LRTM3: variants seen among roughly 807,000 people sequenced by gnomAD.
The protein encoded by LRTM3 is leucine rich repeat transmembrane protein 3.
the LRTM3 span, chr13:102,731,432 G>T: frequency 6.4e-7 from 1 of 1,551,396 alleles, no homozygotes; most frequent in South Asian, 1.2e-5. Flanking sequence ...AAGTGCTTTT[G>T]ACTCTAAATG....
At chr13:102,735,328 A>C in the LRTM3 span, 1 of 1,551,172 alleles carries the variant, frequency 6.4e-7, no homozygotes, top group Non-Finnish European at 8.7e-7. Flanking sequence ...AAAGTTCTCC[A>C]TGGGTTGCTT....
the LRTM3 span, chr13:102,731,359 A>G: frequency 6.4e-7 from 1 of 1,551,434 alleles, no homozygotes; most frequent in Admixed American, 2.0e-5. Context: ...TCCCTTTTGG[A>G]TAAAAGTTGA....
chr13:102,745,924 G>T, the LRTM3 span: 1 of 1,550,984 alleles, frequency 6.4e-7, no homozygotes, highest in African/African-American at 1.4e-5. Flanking sequence ...TTCCTGGTTG[G>T]TTCAGTTCCT....
the LRTM3 span, chr13:102,748,337 A>G: frequency 6.4e-7 from 1 of 1,550,924 alleles, no homozygotes; most frequent in African/African-American, 1.4e-5. Flanking sequence ...TTGAATTTTT[A>G]TGGCTTCTAA....
chr13:102,735,418 G>T, the LRTM3 span: 2 of 1,551,216 alleles, frequency 1.3e-6, no homozygotes, highest in South Asian at 2.4e-5. Context: ...TTCTTATCAC[G>T]TTCTCCTGTC....
At chr13:102,755,899 A>G in the LRTM3 span, among the ~76,000 whole-genome samples, 34 of 61,604 alleles carry the variant, frequency 5.5e-4, no homozygotes, top group African/African-American at 1.4e-3. Flanking sequence ...ATACACATAT[A>G]TATGTGTGTG....
the LRTM3 span, chr13:102,747,359 C>G: frequency 1.3e-6 from 2 of 1,550,252 alleles, no homozygotes; most frequent in Non-Finnish European, 1.7e-6. Flanking sequence ...CATTTTTTTC[C>G]TGTGGTTTGA....
At chr13:102,746,417 C>G in the LRTM3 span, 1 of 1,551,114 alleles carries the variant, frequency 6.4e-7, no homozygotes, top group South Asian at 1.2e-5. Context: ...CGCAGGGAGA[C>G]AGAACTCTCT....
chr13:102,741,470 G>A, the LRTM3 span: 3 of 1,549,580 alleles, frequency 1.9e-6, no homozygotes, highest in African/African-American at 4.1e-5. Context: ...AAATATATCA[G>A]TTTCCTTTAA....
chr13:102,751,439 A>G, the LRTM3 span, among the ~76,000 whole-genome samples: 2,791 of 151,820 alleles, frequency 0.018, 67 homozygotes, highest in African/African-American at 0.064. Context: ...ACACCTGGAA[A>G]CTTATTTGAA....
chr13:102,742,247 A>G, the LRTM3 span: 45 of 1,550,428 alleles, frequency 2.9e-5, no homozygotes, highest in Middle Eastern at 8.4e-4. Context: ...ACCATACTCA[A>G]GCAGCTGGGA....
the LRTM3 span, chr13:102,730,731 C>T: frequency 7.7e-6 from 12 of 1,551,710 alleles, no homozygotes; most frequent in East Asian, 2.4e-5. Flanking sequence ...CCAGCATTTA[C>T]GTTTTTACAC....
the LRTM3 span, chr13:102,746,523 C>A: frequency 5.2e-6 from 8 of 1,550,904 alleles, no homozygotes; most frequent in Non-Finnish European, 6.1e-6. Context: ...GTCTTAAAGT[C>A]TAATTCTGAT....
the LRTM3 span, chr13:102,746,587 C>T: frequency 6.4e-7 from 1 of 1,551,072 alleles, no homozygotes; most frequent in Non-Finnish European, 8.7e-7. Flanking sequence ...GCTTCACAGC[C>T]TTTGTATTTA....
the LRTM3 span, chr13:102,745,911 T>C: frequency 1.2e-3 from 1,838 of 1,551,158 alleles, 2 homozygotes; most frequent in Non-Finnish European, 1.5e-3. Flanking sequence ...TGAATATTTG[T>C]ACTTCCTGGT....
At chr13:102,733,354 A>G in the LRTM3 span, 136 of 1,551,232 alleles carry the variant, frequency 8.8e-5, no homozygotes, top group Non-Finnish European at 1.1e-4. Flanking sequence ...CCTTTGGCTT[A>G]TCAAATTTAC....
the LRTM3 span, chr13:102,734,470 T>A: frequency 5.8e-6 from 9 of 1,551,362 alleles, no homozygotes; most frequent in Non-Finnish European, 7.8e-6. Context: ...GTTCCTTTCG[T>A]CCTTGCCCTC....
the LRTM3 span, among the ~76,000 whole-genome samples, chr13:102,757,742 T>C: frequency 1.3e-5 from 2 of 152,206 alleles, no homozygotes; most frequent in Non-Finnish European, 2.9e-5. Flanking sequence ...ATCTCCTAAA[T>C]ATATTAATAT....
chr13:102,735,358 T>C, the LRTM3 span: 2 of 1,551,376 alleles, frequency 1.3e-6, no homozygotes, highest in Non-Finnish European at 1.7e-6. Context: ...CTATTCTCCC[T>C]GCATCTGATG....
Sources: gnomAD v4.1 joint callset for allele counts (sites outside exome capture counted in the v4.1 genomes callset) on GRCh38, gnomAD v4.1.1 for gene constraint, MANE v1.5 for transcripts, NCBI Gene and HGNC (gene_info 2026-07-23, HGNC 2026-07-21) for gene names.